SEPTIN7: variants seen among roughly 807,000 people sequenced by gnomAD.
SEPTIN7 encodes septin 7.
A neutral mutation model predicts 63.3 loss-of-function variants in SEPTIN7; 10 were observed. The observed-to-expected ratio is 0.16, with a 90% CI of 0.10 to 0.27. The LOEUF is 0.27. Among genes scored for constraint, SEPTIN7 ranks in the 10% least tolerant of loss-of-function variants. The pLI, the probability that SEPTIN7 is intolerant of heterozygous loss-of-function variation, is 1.00. For missense variants in SEPTIN7, 310 were observed against 521.0 expected (o/e 0.59, Z 3.94); for synonymous variants, 131 against 165.3 (o/e 0.79, Z 1.59).
intron 4 of SEPTIN7, among the ~76,000 whole-genome samples, chr7:35,869,171 G>A (rs1785993748): frequency 6.6e-6 from 1 of 152,082 alleles, no homozygotes. Flanking sequence ...GAGGGGCAAG[G>A]GATTTGAGGT....
chr7:35,889,475 A>G (rs145707246), intron 10 of SEPTIN7, among the ~76,000 whole-genome samples: 3 of 152,360 alleles, frequency 2.0e-5, no homozygotes, highest in South Asian at 4.1e-4. Flanking sequence ...GGGAGATTCA[A>G]GAAGCTGGAT....
At chr7:35,848,741 T>C (rs1364737817) in intron 3 of SEPTIN7, among the ~76,000 whole-genome samples, 2 of 152,224 alleles carry the variant, frequency 1.3e-5, no homozygotes, top group African/African-American at 4.8e-5. Context: ...AAAATTGGGA[T>C]AATCATTTTC....
downstream of SEPTIN7, among the ~76,000 whole-genome samples, chr7:35,911,358 C>T (rs190283296): frequency 4.2e-3 from 639 of 152,306 alleles, 5 homozygotes; most frequent in African/African-American, 0.013. Context: ...GCTTTCTGAT[C>T]TCAGTATTTA....
chr7:35,852,332 A>G (rs939129480), intron 3 of SEPTIN7, among the ~76,000 whole-genome samples: 2 of 152,192 alleles, frequency 1.3e-5, no homozygotes, highest in African/African-American at 4.8e-5. Context: ...TTTAAGCTCT[A>G]ATGGACTACT....
chr7:35,849,466 G>A (rs1205561337), intron 3 of SEPTIN7, among the ~76,000 whole-genome samples: 2 of 152,126 alleles, frequency 1.3e-5, no homozygotes, highest in South Asian at 2.1e-4. Context: ...GACAGGAGGC[G>A]GAGCTCTGGC....
chr7:35,898,654 T>G (rs1788105870), intron 12 of SEPTIN7: 1 of 246,926 alleles, frequency 4.0e-6, no homozygotes, highest in South Asian at 1.5e-4. Flanking sequence ...ATGAACAAGT[T>G]TGAGTTGTGA....
At chr7:35,849,719 A>G (rs1784869840) in intron 3 of SEPTIN7, among the ~76,000 whole-genome samples, 2 of 152,196 alleles carry the variant, frequency 1.3e-5, no homozygotes, top group African/African-American at 4.8e-5. Flanking sequence ...TAAATTTCCC[A>G]TCCAGTACTT....
intron 3 of SEPTIN7, among the ~76,000 whole-genome samples, chr7:35,860,394 A>G (rs1198776458): frequency 6.6e-6 from 1 of 152,144 alleles, no homozygotes; most frequent in Non-Finnish European, 1.5e-5. Flanking sequence ...CCAAAATTAT[A>G]ATAATACTGG....
chr7:35,823,127 G>A (rs1783314729), intron 1 of SEPTIN7, among the ~76,000 whole-genome samples: 3 of 152,094 alleles, frequency 2.0e-5, no homozygotes. Flanking sequence ...ATAACCCTGT[G>A]GGGCTATCAT....
intron 3 of SEPTIN7, among the ~76,000 whole-genome samples, chr7:35,861,670 T>G (rs1169320838): frequency 2.0e-5 from 3 of 152,206 alleles, no homozygotes; most frequent in Non-Finnish European, 2.9e-5. Context: ...ACATCTATTG[T>G]GTCCCCTTGC....
chr7:35,805,801 C>A (rs1788294418), intron 1 of SEPTIN7, among the ~76,000 whole-genome samples: 1 of 152,070 alleles, frequency 6.6e-6, no homozygotes, highest in Non-Finnish European at 1.5e-5. Context: ...TGATATTCTT[C>A]CTCCTTCCCC....
intron 7 of SEPTIN7, among the ~76,000 whole-genome samples, chr7:35,882,101 A>G (rs1056305448): frequency 7.2e-5 from 11 of 152,018 alleles, no homozygotes; most frequent in African/African-American, 2.7e-4. Flanking sequence ...TCAACTAAAT[A>G]AGATACTTGG....
chr7:35,852,174 C>T (rs1397075678), intron 3 of SEPTIN7, among the ~76,000 whole-genome samples: 1 of 152,152 alleles, frequency 6.6e-6, no homozygotes, highest in Non-Finnish European at 1.5e-5. Context: ...AATGAGATCA[C>T]TTATTCCTCA....
chr7:35,910,746 G>A (rs1196123448), downstream of SEPTIN7, among the ~76,000 whole-genome samples: 1 of 152,180 alleles, frequency 6.6e-6, no homozygotes, highest in African/African-American at 2.4e-5. Flanking sequence ...ACTGAATCTA[G>A]CATTATTAAC....
At chr7:35,910,522 G>T (rs968098870), downstream of SEPTIN7, among the ~76,000 whole-genome samples, 1 of 152,202 alleles carries the variant, frequency 6.6e-6, no homozygotes, top group African/African-American at 2.4e-5. Flanking sequence ...TTTTCCAGAT[G>T]CCCTATACTT....
At position 35,905,815 on chromosome 7, in the gene SEPTIN7, T is replaced by G. The variant is rs1788583857; in HGVS notation, c.*1522T>G. The stretch of plus-strand genomic sequence containing the variant: ...CTCAAGTCCCTGGAAACTGAAATTT[T>G]TTTTAACTGTAAAGAGGGTAGTGTC... On this transcript the variant is annotated 3_prime_UTR_variant, in exon 14 of 14. Transcript: ENST00000350320. The G allele has an allele frequency of 6.6e-6, 1 of 152,236 alleles. No homozygotes were observed. The highest frequency in any genetic ancestry group is 6.5e-5 in the Admixed American group (1 of 15,286). The allele number at this position is 152,236 out of a possible 1,614,324, so 9.4% of individuals were successfully genotyped here. A position where few individuals can be genotyped will look rare whatever the true frequency, so the allele number is the denominator to read the frequency against.
At chr7:35,914,262 T>G in the SEPTIN7 span, among the ~76,000 whole-genome samples, 1 of 152,226 alleles carries the variant, frequency 6.6e-6, no homozygotes, top group African/African-American at 2.4e-5. Context: ...GCATTCCATA[T>G]TGTGACAGTT....
At chr7:35,888,996 A>G (rs1175713855) in intron 10 of SEPTIN7, among the ~76,000 whole-genome samples, 1 of 152,200 alleles carries the variant, frequency 6.6e-6, no homozygotes, top group Non-Finnish European at 1.5e-5. Context: ...ATCATCTGCT[A>G]TCTGCATTGG....
downstream of SEPTIN7, among the ~76,000 whole-genome samples, chr7:35,909,332 T>C (rs1788696185): frequency 6.6e-6 from 1 of 152,324 alleles, no homozygotes; most frequent in Admixed American, 6.5e-5. Flanking sequence ...AATCTCCACC[T>C]CATTAGTGCC....
Sources: gnomAD v4.1 joint callset for allele counts (sites outside exome capture counted in the v4.1 genomes callset) on GRCh38, gnomAD v4.1.1 for gene constraint, MANE v1.5 for transcripts, NCBI Gene and HGNC (gene_info 2026-07-23, HGNC 2026-07-21) for gene names.